PITHD1: variants seen among roughly 807,000 people sequenced by gnomAD.
PITHD1 encodes the protein PITH domain-containing protein 1.
A neutral mutation model predicts 27.5 loss-of-function variants in PITHD1; 8 were observed. The observed-to-expected ratio is 0.29, with a 90% CI of 0.17 to 0.52. PITHD1 has a LOEUF of 0.52. Ranked by LOEUF, PITHD1 falls within the 20% of genes least tolerant of loss-of-function variation. The pLI, the probability that PITHD1 is intolerant of heterozygous loss-of-function variation, is 0.96. For missense variants in PITHD1, 233 were observed against 283.9 expected, an observed-to-expected ratio of 0.82 and a Z score of 1.29; for synonymous variants, 118 against 106.8, an observed-to-expected ratio of 1.10 and a Z score of -0.64.
chr1:23,779,677 A>G (rs1638566896), intron 2 of PITHD1, 187 bp from the exon 3 acceptor site: 1 of 655,110 alleles, frequency 1.5e-6, no homozygotes. Context: ...ACAATAACTG[A>G]GAAATTGAGG....
Position 23,787,312 on chromosome 1 carries a change from C to T in PITHD1, c.572C>T (p.Ala191Val). Reference protein sequence around the residue: ...RHEVTICNYEASANPADHRVH... With the variant: ...RHEVTICNYEVSANPADHRVH... ...GAGGTGACCATCTGCAATTACGAAG[C>T]ATCTGCCAACCCAGCAGACCATAGG... Residue 191 changes from alanine (A) to valine (V), a missense_variant, in exon 6 of 6, where the codon GCA becomes GTA. Ala to Val is a moderately conservative substitution (Grantham distance 64). Transcript: ENST00000246151. 6.2e-7 allele frequency: 1 copy of T among 1,613,818 alleles called. No homozygotes were observed. Among genetic ancestry groups the T allele is most frequent in the Non-Finnish European group, 8.5e-7 (1 of 1,179,746 alleles).
chr1:23,786,739 A>C (rs951595218), intron 5 of PITHD1, among the ~76,000 whole-genome samples: 5 of 151,050 alleles, frequency 3.3e-5, no homozygotes, highest in Non-Finnish European at 7.4e-5. Context: ...ACAGGTGCCC[A>C]CTCCCACGCC....
chr1:23,780,028 C>G, intron 3 of PITHD1, 87 bp downstream of exon 3: 1 of 833,600 alleles, frequency 1.2e-6, no homozygotes. Context: ...TCATTTTCTT[C>G]TTACCGGGTT....
chr1:23,782,987 G>GTATTT (rs368279605), intron 3 of PITHD1, among the ~76,000 whole-genome samples: 39 of 151,910 alleles, frequency 2.6e-4, no homozygotes, highest in African/African-American at 5.1e-4. Context: ...TTAAATATAT[G>GTATTT]TATTTTATTT....
At chr1:23,783,432 T>TATATATAC (rs1207098857) in intron 3 of PITHD1, among the ~76,000 whole-genome samples, 8 of 72,306 alleles carry the variant, frequency 1.1e-4, no homozygotes, top group African/African-American at 3.0e-4. Flanking sequence ...TATATATACG[T>TATATATAC]GTGTGTGTGT....
rs1288276855 is a variant in PITHD1, at chr1:23,778,612, C to T, written c.97C>T (p.Leu33=). 20 of 1,335,302 alleles carry T rather than the reference C, an allele frequency of 1.5e-5. No individual in the cohort carries two copies. Among genetic ancestry groups the T allele is most frequent in the African/African-American group, 3.1e-5 (2 of 65,458 alleles). 82.7% of individuals were successfully genotyped at this position (1,335,302 alleles called of 1,614,324 possible). The stretch of plus-strand genomic sequence containing the variant: ...GCGCGGCCTGGCCTACGGCCTGTAC[C>T]TGCGCATCGACCTGGAGCGGCTGCA... The part of the protein sequence containing the change: ...EQRGLAYGLY[L]RIDLERLQCL... The change falls in exon 1 of 6, where the codon CTG becomes TTG. Residue 33 remains leucine, a synonymous_variant. Transcript: ENST00000246151.
rs1449030654 is a variant in PITHD1 at position 23,778,470 on chromosome 1, G to A, written c.-46G>A. The A allele has an allele frequency of 3.9e-6, 5 of 1,288,108 alleles. No individual in the cohort carries two copies. The South Asian group carries it at 1.0e-4, about 26-fold the overall frequency. The allele number at this position is 1,288,108 out of a possible 1,614,324, so 79.8% of individuals were successfully genotyped here. ...TGGTCTGAGGCGAGCCGAGCCGAGC[G>A]AGCGCGGCGGTGGGGCCGAGAGGAC... On this transcript the variant is annotated 5_prime_UTR_variant, in exon 1 of 6. Coordinates refer to ENST00000246151, the MANE Select transcript of PITHD1 (RefSeq NM_020362.5).
chr1:23,787,467 GTTGGCTGCCACAGCCTCTGCCAAGCT>G lies in PITHD1; in HGVS notation c.*95_*120del. ...ACAAAGGGATGAGGCTCCAGAGAGA[GTTGGCTGCCACAGCCTCTGCCAAGCT>G]TTGTCTTTGGGGCTTGCTGCAGAAA... is the stretch of plus-strand genomic sequence containing the variant. On this transcript the variant is annotated 3_prime_UTR_variant, in exon 6 of 6. Transcript: ENST00000246151. The G allele has an allele frequency of 2.7e-6, 2 of 752,506 alleles. No individual in the cohort carries two copies. The highest frequency in any genetic ancestry group is 3.2e-5 in the South Asian group (2 of 61,592). The allele number at this position is 752,506 out of a possible 1,614,324, so 46.6% of individuals were successfully genotyped here.
At chr1:23,780,462 T>C (rs1488123924) in intron 3 of PITHD1, among the ~76,000 whole-genome samples, 4 of 152,182 alleles carry the variant, frequency 2.6e-5, no homozygotes, top group Non-Finnish European at 5.9e-5. Context: ...ACTTACCTTA[T>C]TCCAGAACAG....
Position 23,778,589 on chromosome 1 carries a change from GC to G in PITHD1, c.75del (p.Gly26AlafsTer68). 7.5e-7 allele frequency: 1 copy of G among 1,333,288 alleles called. No individual in the cohort carries two copies. The highest frequency in any genetic ancestry group is 3.9e-5 in the Admixed American group (1 of 25,346). The allele number at this position is 1,333,288 out of a possible 1,614,324, so 82.6% of individuals were successfully genotyped here. ...AAEREEPPEQ[R>X]GLAYGLYLRI... is the part of the protein sequence containing the mutation. Reference sequence around the variant, plus strand: ...GAACGGGAGGAGCCGCCCGAGCAGCGCGGCCTGGCCTACGGCCTGTACCTGC... The same window carrying G: ...GAACGGGAGGAGCCGCCCGAGCAGCGGGCCTGGCCTACGGCCTGTACCTGC... On this transcript the variant is annotated frameshift_variant, in exon 1 of 6. Coordinates refer to ENST00000246151, the MANE Select transcript of PITHD1 (RefSeq NM_020362.5). LOFTEE classifies it high-confidence loss of function.
chr1:23,786,627 AATAATATAT>A (rs1183676795), intron 5 of PITHD1, among the ~76,000 whole-genome samples: 14 of 147,920 alleles, frequency 9.5e-5, no homozygotes, highest in African/African-American at 2.5e-4. Flanking sequence ...TTTTTATATA[AATAATATAT>A]ATAATATATA....
chr1:23,780,265 T>C (rs530348635), intron 3 of PITHD1, among the ~76,000 whole-genome samples: 56 of 152,282 alleles, frequency 3.7e-4, no homozygotes, highest in African/African-American at 1.3e-3. Context: ...AGATCTCATA[T>C]GATCTTTATG....
At chr1:23,779,530 T>C (rs775485987) in intron 2 of PITHD1, 49 bp downstream of exon 2, 28 of 1,356,654 alleles carry the variant, frequency 2.1e-5, no homozygotes, top group Non-Finnish European at 2.9e-5. Context: ...CTGTACCCAG[T>C]TGCCTCAGAT....
chr1:23,779,974 C>G (rs2148399061), intron 3 of PITHD1, 33 bp downstream of exon 3: 1 of 1,308,532 alleles, frequency 7.6e-7, no homozygotes, highest in East Asian at 2.3e-5. Flanking sequence ...CTCAAAGGAG[C>G]TCCTAATTCT....
chr1:23,778,552 C>A lies in PITHD1; in HGVS notation c.37C>A (p.Arg13Ser), dbSNP rs990737831. 1 of 1,340,480 alleles carries A rather than the reference C, an allele frequency of 7.5e-7. No individual in the cohort carries two copies. Among genetic ancestry groups the A allele is most frequent in the Non-Finnish European group, 9.5e-7 (1 of 1,050,712 alleles). 83.0% of individuals were successfully genotyped at this position (1,340,480 alleles called of 1,614,324 possible). A position where few individuals can be genotyped will look rare whatever the true frequency, so the allele number is the denominator to read the frequency against. ...HGHSHGGGGC[R>S]CAAEREEPPE... ...TCACAGCCACGGCGGGGGTGGCTGC[C>A]GCTGCGCCGCCGAACGGGAGGAGCC... is the stretch of plus-strand genomic sequence containing the variant. Residue 13 changes from arginine to serine, a missense_variant, in exon 1 of 6, where the codon CGC becomes AGC. Coordinates refer to ENST00000246151, the MANE Select transcript of PITHD1 (RefSeq NM_020362.5).
chr1:23,784,040 CAG>C (rs576563392), intron 3 of PITHD1, among the ~76,000 whole-genome samples: 104 of 152,106 alleles, frequency 6.8e-4, no homozygotes, highest in Non-Finnish European at 1.3e-3. Context: ...GATGAGGAAA[CAG>C]AGGTTAAATC....
At position 23,788,113 on chromosome 1, in the gene PITHD1, T is replaced by C. The variant is rs183423865; in HGVS notation, c.*737T>C. 1.3e-5 allele frequency: 2 copies of C among 152,350 alleles called. No individual in the cohort carries two copies. Among genetic ancestry groups the C allele is most frequent in the Admixed American group, 6.5e-5 (1 of 15,296 alleles). The allele number at this position is 152,350 out of a possible 1,614,324, so 9.4% of individuals were successfully genotyped here. On this transcript the variant is annotated 3_prime_UTR_variant, in exon 6 of 6. Transcript: ENST00000246151. The stretch of plus-strand genomic sequence containing the variant: ...TTCCCCTTGGAAATTCCTTAATGTT[T>C]ATTAGCTTCTAACTAGTGTTGTAAG...
intron 3 of PITHD1, among the ~76,000 whole-genome samples, chr1:23,784,539 G>T (rs550933907): frequency 6.6e-6 from 1 of 151,854 alleles, no homozygotes; most frequent in African/African-American, 2.4e-5. Context: ...TGCGCCCGGC[G>T]GCTTTCTTAA....
rs1265464923 is a variant in PITHD1 at position 23,787,405 on chromosome 1, T to C, written c.*29T>C. ...CTGGCCAAGGCTCCCATAGAGGCGC[T>C]GTGTCAGTGAAGATGTACGACTACC... is the stretch of plus-strand genomic sequence containing the variant. On this transcript the variant is annotated 3_prime_UTR_variant, in exon 6 of 6. Transcript: ENST00000246151. The C allele has an allele frequency of 7.9e-7, 1 of 1,262,228 alleles. No individual in the cohort carries two copies. The allele number at this position is 1,262,228 out of a possible 1,614,324, so 78.2% of individuals were successfully genotyped here. A position where few individuals can be genotyped will look rare whatever the true frequency, so the allele number is the denominator to read the frequency against.
Sources: allele counts gnomAD v4.1 joint callset (sites outside exome capture counted in the v4.1 genomes callset), GRCh38; gene constraint gnomAD v4.1.1; transcripts MANE v1.5; gene names NCBI Gene and HGNC (gene_info 2026-07-23, HGNC 2026-07-21).